SLC29A1: variants seen among roughly 807,000 people sequenced by gnomAD.
The protein encoded by SLC29A1 is equilibrative nucleoside transporter 1.
Under a neutral mutation model 48.3 loss-of-function variants are expected in SLC29A1, and 22 were observed. The ratio of observed to expected loss-of-function variants is 0.46; its 90% CI spans 0.33 to 0.65. SLC29A1 has a LOEUF of 0.65. Among genes scored for constraint, SLC29A1 ranks in the 30% least tolerant of loss-of-function variants. The pLI is 0.03. For synonymous variants in SLC29A1, 228 were observed against 231.0 expected (o/e 0.99, Z 0.12); for missense variants, 491 against 575.3 (o/e 0.85, Z 1.50).
rs536142149 is a variant in SLC29A1 at position 44,228,418 on chromosome 6, G to C, written c.30-972G>C. Among the ~76,000 whole-genome samples the C allele has an allele frequency of 1.2e-4, 18 of 152,340 alleles. No individual in the cohort carries two copies. The South Asian group carries it at 2.7e-3, about 23-fold the overall frequency. On this transcript the variant is annotated intron_variant, in intron 2 of 12. Transcript: ENST00000371755. ...GGGAAGCATGTATGTGAGGGGGTTG[G>C]GGGGGCTGCAGTTGCATTAACTCGG...
Position 44,233,833 on chromosome 6 carries a change from G to A in SLC29A1, c.*305G>A. 2.4e-6 allele frequency: 1 copy of A among 413,928 alleles called. No homozygotes were observed. The allele number at this position is 413,928 out of a possible 1,614,324, so 25.6% of individuals were successfully genotyped here. A position where few individuals can be genotyped will look rare whatever the true frequency, so the allele number is the denominator to read the frequency against. On this transcript the variant is annotated 3_prime_UTR_variant, in exon 13 of 13. Transcript: ENST00000371755. Reference sequence around the variant, plus strand: ...CAGGCCAGTGGAGGCTCTTGGGCTTGGAGAACACGTGTGTCTCTGTGTATG... The same window carrying A: ...CAGGCCAGTGGAGGCTCTTGGGCTTAGAGAACACGTGTGTCTCTGTGTATG...
rs1477050319 is a variant in SLC29A1 at position 44,233,566 on chromosome 6, G to A, written c.*38G>A. 6 of 1,509,700 alleles carry A rather than the reference G, an allele frequency of 4.0e-6. No individual in the cohort carries two copies. The highest frequency in any genetic ancestry group is 5.5e-6 in the Non-Finnish European group (6 of 1,084,912). 93.5% of individuals were successfully genotyped at this position (1,509,700 alleles called of 1,614,324 possible). ...AGAAGGACTGCCTGCCTCCCTCCCT[G>A]TCTGCCTCCTGCCCCTTCCTTCTGC... On this transcript the variant is annotated 3_prime_UTR_variant, in exon 13 of 13. Coordinates refer to ENST00000371755, the MANE Select transcript of SLC29A1 (RefSeq NM_001372327.1).
Position 44,233,547 on chromosome 6 carries a change from A to ACTGCCTGCCTCCCTCCCTGT in SLC29A1, c.*26_*45dup, listed in dbSNP as rs750692095. 2.5e-6 allele frequency: 4 copies of ACTGCCTGCCTCCCTCCCTGT among 1,578,152 alleles called. No individual in the cohort carries two copies. The South Asian group carries it at 4.4e-5, about 17-fold the overall frequency. On this transcript the variant is annotated 3_prime_UTR_variant, in exon 13 of 13. Transcript: ENST00000371755. ...TGTGTGACAAAGGATGGACAGAAGG[A>ACTGCCTGCCTCCCTCCCTGT]CTGCCTGCCTCCCTCCCTGTCTGCC...
At chr6:44,224,317 G>A (rs376263615) in intron 1 of SLC29A1, among the ~76,000 whole-genome samples, 2 of 149,584 alleles carry the variant, frequency 1.3e-5, no homozygotes, top group African/African-American at 2.5e-5. Context: ...GTGGCCTCCA[G>A]ACCCTCCAAC....
intron 1 of SLC29A1, among the ~76,000 whole-genome samples, chr6:44,226,436 G>A (rs1777532600): frequency 1.3e-5 from 2 of 151,846 alleles, no homozygotes; most frequent in Admixed American, 6.6e-5. Context: ...TTAGAAAGGG[G>A]AAGCGGACAG....
chr6:44,231,000 G>A, intron 8 of SLC29A1, 111 bp downstream of exon 8: 2 of 838,502 alleles, frequency 2.4e-6, no homozygotes, highest in Non-Finnish European at 4.1e-6. Flanking sequence ...CCCTGAGCCA[G>A]AGGAGGACTG....
chr6:44,226,397 C>T (rs1014781652), intron 1 of SLC29A1, among the ~76,000 whole-genome samples: 5 of 152,056 alleles, frequency 3.3e-5, no homozygotes, highest in African/African-American at 1.2e-4. Context: ...TTGGGATCCA[C>T]CCCTCCAATC....
chr6:44,233,686 G>A lies in SLC29A1; in HGVS notation c.*158G>A. 1 of 633,646 alleles carries A rather than the reference G, an allele frequency of 1.6e-6. No individual in the cohort carries two copies. The highest frequency in any genetic ancestry group is 2.8e-6 in the Non-Finnish European group (1 of 354,676). 39.3% of individuals were successfully genotyped at this position (633,646 alleles called of 1,614,324 possible). Reference sequence around the variant, plus strand: ...GGCCCGGATCTCCAGGCCCTGGGGAGGGAGCCTCTGGACGGACAGTGGGGA... The same window carrying A: ...GGCCCGGATCTCCAGGCCCTGGGGAAGGAGCCTCTGGACGGACAGTGGGGA... On this transcript the variant is annotated 3_prime_UTR_variant, in exon 13 of 13. Transcript: ENST00000371755.
At chr6:44,226,237 A>T in intron 1 of SLC29A1, 2 of 428,634 alleles carry the variant, frequency 4.7e-6, no homozygotes, top group Non-Finnish European at 6.2e-6. Context: ...GGGCCCAGCT[A>T]GGCCTGAGTG....
chr6:44,231,221 G>C, intron 8 of SLC29A1, 143 bp from the exon 9 acceptor site: 1 of 645,694 alleles, frequency 1.5e-6, no homozygotes, highest in Admixed American at 2.6e-5. Flanking sequence ...TTGGAGGCGA[G>C]GTCTGGGTTA....
At chr6:44,225,545 G>A (rs991143809) in intron 1 of SLC29A1, among the ~76,000 whole-genome samples, 15 of 151,584 alleles carry the variant, frequency 9.9e-5, no homozygotes, top group African/African-American at 3.6e-4. Context: ...GAGACCTGAG[G>A]CTTTCCCCCA....
intron 1 of SLC29A1, chr6:44,227,021 C>T (rs1298295538): frequency 8.7e-6 from 11 of 1,263,838 alleles, no homozygotes; most frequent in South Asian, 4.2e-5. Flanking sequence ...GCGGTGGCAG[C>T]GGCCAGGCCG....
At chr6:44,219,714 T>G (rs1014795561), upstream of SLC29A1, 2 of 1,288,768 alleles carry the variant, frequency 1.6e-6, no homozygotes, top group African/African-American at 3.0e-5. Context: ...GGGAGAGAAC[T>G]AGGGGCCCGC....
chr6:44,233,574 C>A lies in SLC29A1; in HGVS notation c.*46C>A, dbSNP rs8187637. 6.8e-5 allele frequency: 98 copies of A among 1,448,506 alleles called. No individual in the cohort carries two copies. The African/African-American group carries it at 1.1e-3, about 17-fold the overall frequency. The allele number at this position is 1,448,506 out of a possible 1,614,324, so 89.7% of individuals were successfully genotyped here. Reference sequence around the variant, plus strand: ...TGCCTGCCTCCCTCCCTGTCTGCCTCCTGCCCCTTCCTTCTGCCAGGGGTG... The same window carrying A: ...TGCCTGCCTCCCTCCCTGTCTGCCTACTGCCCCTTCCTTCTGCCAGGGGTG... On this transcript the variant is annotated 3_prime_UTR_variant, in exon 13 of 13. Transcript: ENST00000371755.
At position 44,230,625 on chromosome 6, in the gene SLC29A1, T is replaced by C. The variant is rs45573936; in HGVS notation, c.647T>C (p.Ile216Thr). 0.023 allele frequency: 37,268 copies of C among 1,612,978 alleles called. 511 individuals carry two copies. The highest frequency in any genetic ancestry group is 0.027 in the Non-Finnish European group (31,675 of 1,179,630). Residue 216 changes from isoleucine (I) to threonine (T), a missense_variant, in exon 7 of 13, where the codon ATC becomes ACC. Coordinates refer to ENST00000371755, the MANE Select transcript of SLC29A1 (RefSeq NM_001372327.1). ...TACTTTATCACAGCCTGTGCTGTTA[T>C]CATTTTGACCATCATCTGTTACCTG... ...FGYFITACAV[I>T]ILTIICYLGL...
chr6:44,223,531 G>A, upstream of SLC29A1: 2 of 1,141,122 alleles, frequency 1.8e-6, no homozygotes, highest in Non-Finnish European at 2.2e-6. The surrounding 1 kb of genome is among the most constrained non-coding windows in gnomAD (Gnocchi z 5.0). Flanking sequence ...GGCAGTGGGC[G>A]CAGGGCGGGG....
Position 44,229,635 on chromosome 6 carries a change from C to T in SLC29A1, c.158C>T (p.Thr53Ile), listed in dbSNP as rs903981798. 4 of 1,614,184 alleles carry T rather than the reference C, an allele frequency of 2.5e-6. No individual in the cohort carries two copies. Among genetic ancestry groups the T allele is most frequent in the Non-Finnish European group, 2.5e-6 (3 of 1,180,030 alleles). Residue 53 changes from threonine to isoleucine, a missense_variant, in exon 4 of 13, where the codon ACT (threonine) becomes ATT (isoleucine). By Grantham distance (89) the Thr-to-Ile change is moderately conservative. Coordinates refer to ENST00000371755, the MANE Select transcript of SLC29A1 (RefSeq NM_001372327.1). This position sits in a 1 kb window ranked among gnomAD's most constrained non-coding sequence, Gnocchi z 5.1. ...LDMSQNVSLV[T>I]AELSKDAQAS... ...ATGTCCCAGAATGTGTCCTTGGTCA[C>T]TGCTGAACTGAGCAAGGACGCCCAG... is the stretch of plus-strand genomic sequence containing the variant.
rs763692176 is a variant in SLC29A1, at chr6:44,233,407, C to T, written c.1260-10C>T. ...TTCTGAGGTAGCCTTGCCCTTCCTT[C>T]CCCGCTTAGGAAAGTGAAGCCAGCT... On this transcript the variant is annotated splice_polypyrimidine_tract_variant and intron_variant, in intron 12 of 12. Coordinates refer to ENST00000371755, the MANE Select transcript of SLC29A1 (RefSeq NM_001372327.1). 6.2e-7 allele frequency: 1 copy of T among 1,610,020 alleles called. No individual in the cohort carries two copies. Among genetic ancestry groups the T allele is most frequent in the Non-Finnish European group, 8.5e-7 (1 of 1,176,264 alleles).
rs1433091723 is a variant in SLC29A1, at chr6:44,232,025, T to C, written c.892T>C (p.Phe298Leu). 6.2e-7 allele frequency: 1 copy of C among 1,613,928 alleles called. No homozygotes were observed. Among genetic ancestry groups the C allele is most frequent in the Non-Finnish European group, 8.5e-7 (1 of 1,179,838 alleles). The change falls in exon 10 of 13, where the codon TTC becomes CTC. Residue 298 changes from phenylalanine to leucine, a missense_variant. Phe to Leu is a conservative substitution (Grantham distance 22). Transcript: ENST00000371755. This position sits in a 1 kb window ranked among gnomAD's most constrained non-coding sequence, Gnocchi z 4.7. Reference protein sequence around the residue: ...NISVLAFSVCFIFTITIGMFP... With the variant: ...NISVLAFSVCLIFTITIGMFP... ...CTCAGTCCTGGCTTTCTCTGTCTGCTTCATCTTCACTATCACCATTGGGAT... is the reference window on the plus strand; with the variant it reads ...CTCAGTCCTGGCTTTCTCTGTCTGCCTCATCTTCACTATCACCATTGGGAT...
Sources: gnomAD v4.1 joint callset for allele counts (sites outside exome capture counted in the v4.1 genomes callset) on GRCh38, gnomAD v4.1.1 for gene constraint, Gnocchi (gnomAD v3.1) non-coding constraint, MANE v1.5 for transcripts, NCBI Gene and HGNC (gene_info 2026-07-23, HGNC 2026-07-21) for gene names.